The following HHAT variants were observed in gnomAD, a reference collection of about 807,000 sequenced individuals.
HHAT encodes protein-cysteine N-palmitoyltransferase HHAT.
In HHAT, 47 loss-of-function variants were observed where a neutral mutation model predicts 70.8. The observed-to-expected ratio is 0.66, with a 90% CI of 0.53 to 0.85. The LOEUF (loss-of-function observed/expected upper bound fraction) is 0.85, where lower values mean the gene tolerates loss of function less well. Ranked by LOEUF, HHAT falls within the 40% of genes least tolerant of loss-of-function variation. The pLI is 0.00. For missense variants in HHAT, 609 were observed against 604.8 expected, an observed-to-expected ratio of 1.01 and a Z score of -0.07; for synonymous variants, 228 against 247.6, an observed-to-expected ratio of 0.92 and a Z score of 0.74.
rs187049899 is a variant in HHAT, at chr1:210,529,796, C to A, written c.1043+16608C>A. On this transcript the variant is annotated intron_variant, in intron 9 of 11. Transcript: ENST00000261458. ...TGCCACAGTGCTGCCAGCGGTGTCA[C>A]CAGAAGCGGAGTGAACTGGAGGGGC... Among the ~76,000 whole-genome samples the A allele has an allele frequency of 7.2e-5, 11 of 152,302 alleles. No homozygotes were observed. In the East Asian group the frequency reaches 2.1e-3, roughly 29 times the overall value.
chr1:210,570,934 C>G (rs999953050), intron 9 of HHAT, among the ~76,000 whole-genome samples: 9 of 152,208 alleles, frequency 5.9e-5, no homozygotes, highest in Non-Finnish European at 7.3e-5. Flanking sequence ...AAGCCCACAG[C>G]TTTACCTTAA....
intron 6 of HHAT, among the ~76,000 whole-genome samples, chr1:210,411,875 T>A (rs775914670): frequency 6.6e-6 from 1 of 152,192 alleles, no homozygotes; most frequent in African/African-American, 2.4e-5. Flanking sequence ...TCCTCTAGCC[T>A]CTACAGACTA....
intron 6 of HHAT, among the ~76,000 whole-genome samples, chr1:210,411,790 C>G (rs1272988249): frequency 1.3e-5 from 2 of 151,878 alleles, no homozygotes; most frequent in Admixed American, 6.6e-5. Context: ...GTCCATTGGT[C>G]TAGAGTGATT....
At chr1:210,423,493 T>G (rs1207100122) in intron 7 of HHAT, among the ~76,000 whole-genome samples, 4 of 152,242 alleles carry the variant, frequency 2.6e-5, no homozygotes, top group African/African-American at 7.2e-5. Flanking sequence ...GCAAATATTT[T>G]CTCCTATTCT....
intron 10 of HHAT, among the ~76,000 whole-genome samples, chr1:210,623,179 C>T (rs561723917): frequency 1.3e-5 from 2 of 152,300 alleles, no homozygotes; most frequent in African/African-American, 4.8e-5. Context: ...TGAAGCAATC[C>T]TCCCACCTTA....
intron 9 of HHAT, among the ~76,000 whole-genome samples, chr1:210,552,001 T>C (rs1050129469): frequency 4.6e-5 from 7 of 152,080 alleles, no homozygotes; most frequent in African/African-American, 1.7e-4. Context: ...ATGCTAGGAG[T>C]TGAGTTTCCT....
At chr1:210,432,629 G>T (rs918430564) in intron 7 of HHAT, among the ~76,000 whole-genome samples, 1 of 151,826 alleles carries the variant, frequency 6.6e-6, no homozygotes, top group Non-Finnish European at 1.5e-5. Context: ...AGTCTTAGAT[G>T]GCCTTGCTAT....
chr1:210,424,034 T>C (rs987164308), intron 7 of HHAT, among the ~76,000 whole-genome samples: 15 of 152,234 alleles, frequency 9.9e-5, no homozygotes, highest in Admixed American at 9.2e-4. Context: ...TCTTTTGTGG[T>C]TCCACACAAT....
chr1:210,446,951 G>A (rs2148380466), intron 7 of HHAT, among the ~76,000 whole-genome samples: 1 of 152,258 alleles, frequency 6.6e-6, no homozygotes, highest in Middle Eastern at 3.4e-3. Flanking sequence ...GTTTGTCATG[G>A]TGTCCCCACT....
Position 210,340,481 on chromosome 1 carries a change from G to A in HHAT, c.-43-8452G>A, listed in dbSNP as rs561943307. 1.1e-4 allele frequency among the ~76,000 whole-genome samples: 16 copies of A among 152,212 alleles called. No homozygotes were observed. In the South Asian group the frequency reaches 3.3e-3, roughly 32 times the overall value. On this transcript the variant is annotated intron_variant, in intron 1 of 11. Transcript: ENST00000261458. ...TCTTTAAAGCCGTTGTCATTTCAGT[G>A]GGCATGTGCTTCTTTCACTTTTATT...
At chr1:210,329,308 C>G (rs545679802) in intron 1 of HHAT, 24 of 1,219,424 alleles carry the variant, frequency 2.0e-5, no homozygotes, top group East Asian at 9.8e-5. Flanking sequence ...GCAGTGCGCC[C>G]GGGCAAAGGC....
At chr1:210,671,740 G>C (rs1466655783) in intron 11 of HHAT, among the ~76,000 whole-genome samples, 1 of 152,216 alleles carries the variant, frequency 6.6e-6, no homozygotes, top group African/African-American at 2.4e-5. Context: ...CCAGAACTAA[G>C]AATACATGTC....
At chr1:210,464,682 G>A in intron 8 of HHAT, 27 bp downstream of exon 8, 2 of 1,613,462 alleles carry the variant, frequency 1.2e-6, no homozygotes, top group Non-Finnish European at 1.7e-6. Context: ...GCTAAAGTTG[G>A]TCAGGCATGT....
At chr1:210,407,812 G>A (rs114651225) in intron 6 of HHAT, among the ~76,000 whole-genome samples, 2,739 of 152,226 alleles carry the variant, frequency 0.018, 85 homozygotes, top group African/African-American at 0.063. Context: ...TGAAGCCTGG[G>A]GCCACTACGT....
At chr1:210,670,527 A>G (rs1472886754) in intron 11 of HHAT, among the ~76,000 whole-genome samples, 2 of 152,110 alleles carry the variant, frequency 1.3e-5, no homozygotes, top group Non-Finnish European at 2.9e-5. Flanking sequence ...GACAGTACCT[A>G]ACTGCATTGG....
chr1:210,431,322 G>A lies in HHAT; in HGVS notation c.856+12997G>A, dbSNP rs191075428. On this transcript the variant is annotated intron_variant, in intron 7 of 11. Coordinates refer to ENST00000261458, the MANE Select transcript of HHAT (RefSeq NM_018194.6). ...TGCCACCTGTCCCCACATGTGGCTT[G>A]TGAAAAGCAAAGCCTAGGTCTTTGC... 9.6e-4 allele frequency among the ~76,000 whole-genome samples: 146 copies of A among 151,874 alleles called. 1 individual carries two copies. The highest frequency in any genetic ancestry group is 1.5e-3 in the Non-Finnish European group (105 of 68,026).
rs190964242 is a variant in HHAT, at chr1:210,489,955, G to C, written c.1008-23198G>C. Reference sequence around the variant, plus strand: ...AGTGGGCTTGTCTGTAGGAGGCATAGTCCTCAACGACTTTTACATCTTAAC... The same window carrying C: ...AGTGGGCTTGTCTGTAGGAGGCATACTCCTCAACGACTTTTACATCTTAAC... On this transcript the variant is annotated intron_variant, in intron 8 of 11. Transcript: ENST00000261458. Among the ~76,000 whole-genome samples, 6 of 152,320 alleles carry C rather than the reference G, an allele frequency of 3.9e-5. No individual in the cohort carries two copies. In the East Asian group the frequency reaches 9.6e-4, roughly 24 times the overall value.
At chr1:210,597,390 G>T (rs1481416545) in intron 10 of HHAT, among the ~76,000 whole-genome samples, 1 of 152,178 alleles carries the variant, frequency 6.6e-6, no homozygotes, top group Non-Finnish European at 1.5e-5. Context: ...GGCAAAGGCA[G>T]CCAGACTTGT....
At chr1:210,528,556 G>C (rs1387431743) in intron 9 of HHAT, among the ~76,000 whole-genome samples, 1 of 152,182 alleles carries the variant, frequency 6.6e-6, no homozygotes, top group Non-Finnish European at 1.5e-5. Flanking sequence ...CATGTCTAAA[G>C]TTCTCATTCA....
Sources: gnomAD v4.1 joint callset for allele counts (sites outside exome capture counted in the v4.1 genomes callset) on GRCh38, gnomAD v4.1.1 for gene constraint, MANE v1.5 for transcripts, NCBI Gene and HGNC (gene_info 2026-07-23, HGNC 2026-07-21) for gene names.